FRMD4A: variants seen among roughly 807,000 people sequenced by gnomAD.
FRMD4A encodes FERM domain containing 4A, also known as FERM domain-containing protein 4A.
A neutral mutation model predicts 129.1 loss-of-function variants in FRMD4A; 29 were observed. The observed-to-expected ratio is 0.22, with a 90% CI of 0.17 to 0.31. The LOEUF is 0.31. FRMD4A is among the 10% of genes least tolerant of loss of function. The pLI, the probability that FRMD4A is intolerant of heterozygous loss-of-function variation, is 1.00. For missense variants in FRMD4A, 1,272 were observed against 1,375.8 expected (o/e 0.92, Z 1.19); for synonymous variants, 634 against 571.6 (o/e 1.11, Z -1.56).
intron 2 of FRMD4A, among the ~76,000 whole-genome samples, chr10:14,135,696 A>T (rs1370568707): frequency 1.3e-5 from 2 of 152,250 alleles, no homozygotes; most frequent in African/African-American, 4.8e-5. Flanking sequence ...TATATCACAG[A>T]TGCAAAGGGG....
intron 2 of FRMD4A, among the ~76,000 whole-genome samples, chr10:14,285,601 G>A (rs567999725): frequency 2.0e-5 from 3 of 152,336 alleles, no homozygotes; most frequent in African/African-American, 7.2e-5. Context: ...GAGACTATAA[G>A]TGATTGAGTC....
At chr10:13,712,050 C>T (rs1349507410) in intron 12 of FRMD4A, 1 of 152,244 alleles carries the variant, frequency 6.6e-6, no homozygotes, top group Non-Finnish European at 1.5e-5. Context: ...CTTTTTCATC[C>T]TGCACCATGG....
chr10:13,778,555 G>A (rs2130765866), intron 6 of FRMD4A, among the ~76,000 whole-genome samples: 1 of 152,048 alleles, frequency 6.6e-6, no homozygotes, highest in Middle Eastern at 3.4e-3. Flanking sequence ...AATGTGTTGA[G>A]GTAGTTACAG....
At chr10:13,899,468 C>A (rs190123927) in intron 2 of FRMD4A, among the ~76,000 whole-genome samples, 75 of 152,176 alleles carry the variant, frequency 4.9e-4, no homozygotes, top group African/African-American at 1.7e-3. Flanking sequence ...CTGTTCTGTC[C>A]CTTTTCTACA....
At chr10:14,007,300 A>G (rs977466508) in intron 2 of FRMD4A, 1 of 152,228 alleles carries the variant, frequency 6.6e-6, no homozygotes, top group African/African-American at 2.4e-5. Flanking sequence ...CAGAACCACC[A>G]TATACTTTGT....
intron 2 of FRMD4A, among the ~76,000 whole-genome samples, chr10:14,166,361 A>G (rs1841176472): frequency 6.6e-6 from 1 of 152,138 alleles, no homozygotes; most frequent in Admixed American, 6.5e-5. Context: ...GATACAAGAA[A>G]CTAACTTGTT....
intron 2 of FRMD4A, among the ~76,000 whole-genome samples, chr10:13,991,516 G>A (rs1358239909): frequency 6.6e-6 from 1 of 152,206 alleles, no homozygotes; most frequent in African/African-American, 2.4e-5. Context: ...AGGACACAAT[G>A]GAGTGGAATG....
chr10:13,910,084 G>A (rs1055922214), intron 2 of FRMD4A, among the ~76,000 whole-genome samples: 1 of 152,214 alleles, frequency 6.6e-6, no homozygotes, highest in Non-Finnish European at 1.5e-5. Context: ...TCACGGCTTT[G>A]TAATGTGACT....
At chr10:13,884,196 T>TCACACACTCACACACACA (rs2094588310) in intron 2 of FRMD4A, among the ~76,000 whole-genome samples, 1 of 108,536 alleles carries the variant, frequency 9.2e-6, no homozygotes, top group African/African-American at 3.6e-5. Context: ...ACACACACAC[T>TCACACACTCACACACACA]CACACACACA....
intron 2 of FRMD4A, among the ~76,000 whole-genome samples, chr10:14,160,904 C>T (rs1180009225): frequency 6.6e-6 from 1 of 152,170 alleles, no homozygotes; most frequent in Non-Finnish European, 1.5e-5. Flanking sequence ...AATTCACACA[C>T]TGTTGGTAGG....
intron 2 of FRMD4A, chr10:14,008,393 A>G: frequency 2.9e-6 from 3 of 1,024,826 alleles, no homozygotes; most frequent in Non-Finnish European, 3.5e-6. Context: ...TTCAGCGCCC[A>G]CGAAGCAGCA....
At chr10:14,313,088 C>G (rs1564457992) in intron 2 of FRMD4A, among the ~76,000 whole-genome samples, 1 of 151,792 alleles carries the variant, frequency 6.6e-6, no homozygotes, top group Non-Finnish European at 1.5e-5. Context: ...AGTGGTGGCT[C>G]ACACCTGTAA....
chr10:14,103,872 A>G (rs1452089690), intron 2 of FRMD4A, among the ~76,000 whole-genome samples: 1 of 152,194 alleles, frequency 6.6e-6, no homozygotes, highest in Non-Finnish European at 1.5e-5. Flanking sequence ...TCTAAATTTC[A>G]TAAAGATCAC....
chr10:13,938,055 T>G (rs1036140926), intron 2 of FRMD4A, among the ~76,000 whole-genome samples: 2 of 152,226 alleles, frequency 1.3e-5, no homozygotes, highest in African/African-American at 4.8e-5. Context: ...GAAAAAGGAA[T>G]TTAAGAGAAA....
intron 2 of FRMD4A, among the ~76,000 whole-genome samples, chr10:13,870,498 C>A (rs940699990): frequency 3.9e-5 from 6 of 152,196 alleles, no homozygotes; most frequent in Admixed American, 2.0e-4. Flanking sequence ...AGTCCAAAGC[C>A]CATCGCTGTG....
chr10:13,783,112 A>AAG, intron 5 of FRMD4A, 106 bp from the exon 6 acceptor site: 1 of 693,112 alleles, frequency 1.4e-6, no homozygotes, highest in African/African-American at 1.8e-5. Context: ...TCCCCATCCT[A>AAG]AATAAACAAA....
intron 2 of FRMD4A, among the ~76,000 whole-genome samples, chr10:14,029,898 A>G (rs111576493): frequency 0.016 from 2,325 of 143,542 alleles, 65 homozygotes; most frequent in African/African-American, 0.064. Context: ...CAGTTTCATT[A>G]TTCTGCGTTG....
intron 2 of FRMD4A, among the ~76,000 whole-genome samples, chr10:14,257,950 G>T (rs1844673627): frequency 6.6e-6 from 1 of 152,144 alleles, no homozygotes; most frequent in Admixed American, 6.6e-5. Context: ...AAGGTGCAAT[G>T]GAGAAAGGAA....
intron 2 of FRMD4A, chr10:14,008,270 T>C (rs1312106509): frequency 2.9e-6 from 3 of 1,032,940 alleles, no homozygotes; most frequent in Non-Finnish European, 3.5e-6. Flanking sequence ...TCCTGGAGGG[T>C]TCCCAAATAT....
Sources: allele counts gnomAD v4.1 joint callset (sites outside exome capture counted in the v4.1 genomes callset), GRCh38; gene constraint gnomAD v4.1.1; transcripts MANE v1.5; gene names NCBI Gene and HGNC (gene_info 2026-07-23, HGNC 2026-07-21).